GALC: variants seen among roughly 807,000 people sequenced by gnomAD.
GALC encodes galactosylceramidase.
Under a neutral mutation model 91.8 loss-of-function variants are expected in GALC, and 77 were observed. The observed-to-expected ratio is 0.84, with a 90% CI of 0.70 to 1.01. The LOEUF (loss-of-function observed/expected upper bound fraction) is 1.01. Ranked by LOEUF, GALC falls within the 50% of genes least tolerant of loss-of-function variation. The pLI is 0.00. For synonymous variants in GALC, 357 were observed against 306.7 expected, an observed-to-expected ratio of 1.16 and a Z score of -1.71; for missense variants, 882 against 855.9, an observed-to-expected ratio of 1.03 and a Z score of -0.38.
chr14:87,986,425 C>A (rs1032938223), intron 4 of GALC, 64 bp downstream of exon 4: 112 of 1,004,174 alleles, frequency 1.1e-4, no homozygotes, highest in Non-Finnish European at 1.4e-5. Flanking sequence ...TCCACCAACA[C>A]GATTCAGAAT....
rs756587314 is a variant in GALC at position 87,934,834 on chromosome 14, T to G, written c.1956A>C (p.Thr652=). 6.2e-7 allele frequency: 1 copy of G among 1,612,996 alleles called. No homozygotes were observed. The highest frequency in any genetic ancestry group is 1.1e-5 in the South Asian group (1 of 91,072). ...SGMLNDKSLW[T]DIPVNFPKNG... is the part of the protein sequence containing the mutation. The stretch of plus-strand genomic sequence containing the variant: ...TCTTTGGAAAATTCACAGGGATGTC[T>G]GTCCACAGAGACTTGTCATTCAGCA... Residue 652 remains threonine, a synonymous_variant, in exon 17 of 17, where the codon ACA becomes ACC. Coordinates refer to ENST00000261304, the MANE Select transcript of GALC (RefSeq NM_000153.4).
At chr14:87,989,619 C>T (rs76746012) in intron 1 of GALC, 17,206 of 152,364 alleles carry the variant, frequency 0.11, 1,139 homozygotes, top group Non-Finnish European at 0.16. Context: ...AAGATATCCT[C>T]AATAGCTCTC....
In GALC at chr14:87,988,024, A is replaced by G. The variant is rs1595240660; in HGVS notation, c.328+120T>C. The G allele has an allele frequency of 3.9e-6, 3 of 768,854 alleles. No individual in the cohort carries two copies. The South Asian group carries it at 4.6e-5, about 12-fold the overall frequency. 47.6% of individuals were successfully genotyped at this position (768,854 alleles called of 1,614,324 possible). A position where few individuals can be genotyped will look rare whatever the true frequency, so the allele number is the denominator to read the frequency against. On this transcript the variant is annotated intron_variant, in intron 3 of 16. Coordinates refer to ENST00000261304, the MANE Select transcript of GALC (RefSeq NM_000153.4). ...TTAAAAAATGAGGAAAACTCTAATA[A>G]GCAACAATCAATCTCAAAAGTGTTG...
chr14:87,935,641 T>A (rs1442977728), intron 16 of GALC, among the ~76,000 whole-genome samples: 1 of 152,070 alleles, frequency 6.6e-6, no homozygotes, highest in South Asian at 2.1e-4. Context: ...ATTATCTTTA[T>A]GATAGTACAT....
intron 10 of GALC, among the ~76,000 whole-genome samples, chr14:87,956,269 G>T (rs372585076): frequency 6.6e-6 from 1 of 151,966 alleles, no homozygotes; most frequent in Admixed American, 6.6e-5. Flanking sequence ...ACAGTGTGTG[G>T]AGGGGAAGAA....
intron 10 of GALC, chr14:87,952,521 T>A: frequency 1.4e-6 from 1 of 716,080 alleles, no homozygotes; most frequent in Non-Finnish European, 2.5e-6. Flanking sequence ...CCACCCAGCC[T>A]AGTATCCTGT....
chr14:87,985,702 T>G (rs1005000876), intron 4 of GALC, among the ~76,000 whole-genome samples: 2 of 152,256 alleles, frequency 1.3e-5, no homozygotes, highest in African/African-American at 4.8e-5. Context: ...ATCATTAATT[T>G]CATTTAACTT....
At chr14:87,972,365 T>C (rs1886327702) in intron 7 of GALC, among the ~76,000 whole-genome samples, 1 of 152,172 alleles carries the variant, frequency 6.6e-6, no homozygotes, top group African/African-American at 2.4e-5. Flanking sequence ...GTAGTTACCT[T>C]TAAGGCAAAA....
At chr14:87,942,833 C>T (rs921975776) in intron 14 of GALC, among the ~76,000 whole-genome samples, 5 of 151,970 alleles carry the variant, frequency 3.3e-5, no homozygotes, top group Non-Finnish European at 5.9e-5. Context: ...AAGATAAATG[C>T]TAAGTAACTC....
At chr14:87,992,559 C>T (rs1887249796) in intron 1 of GALC, 1 of 1,503,976 alleles carries the variant, frequency 6.6e-7, no homozygotes, top group African/African-American at 1.4e-5. Flanking sequence ...GGGGCGTTCT[C>T]TTTCGCACAC....
At chr14:87,992,019 G>A (rs1328268826) in intron 1 of GALC, among the ~76,000 whole-genome samples, 1 of 152,162 alleles carries the variant, frequency 6.6e-6, no homozygotes, top group South Asian at 2.1e-4. Context: ...ACATCAGCAC[G>A]GCTGGAGAGA....
At chr14:87,945,410 T>G in intron 14 of GALC, 143 bp downstream of exon 14, 1 of 708,956 alleles carries the variant, frequency 1.4e-6, no homozygotes, top group South Asian at 1.6e-5. Context: ...CACCATACTA[T>G]TCAACAACCC....
chr14:87,971,315 G>C (rs1886283896), intron 7 of GALC, among the ~76,000 whole-genome samples: 1 of 152,156 alleles, frequency 6.6e-6, no homozygotes, highest in Non-Finnish European at 1.5e-5. Context: ...CTACCCTAAG[G>C]GGGAGCATAG....
chr14:87,963,580 A>G (rs1233699873), intron 9 of GALC, 69 bp from the exon 10 acceptor site: 2 of 1,399,836 alleles, frequency 1.4e-6, no homozygotes, highest in African/African-American at 1.4e-5. Flanking sequence ...GGGAAAAAAA[A>G]AAAGCTGTAT....
chr14:87,944,976 AACT>A (rs1271772773), intron 14 of GALC, among the ~76,000 whole-genome samples: 1 of 11,922 alleles, frequency 8.4e-5, no homozygotes, highest in Admixed American at 2.1e-3. Flanking sequence ...GAAATTCTGT[AACT>A]AAAGAGGAAG....
intron 5 of GALC, 38 bp downstream of exon 5, chr14:87,984,356 T>C (rs909533151): frequency 6.4e-7 from 1 of 1,571,134 alleles, no homozygotes; most frequent in Non-Finnish European, 8.7e-7. Flanking sequence ...TACAAACAAA[T>C]GTCCAAAACT....
chr14:87,987,876 A>G (rs1887038702), intron 3 of GALC: 1 of 450,702 alleles, frequency 2.2e-6, no homozygotes, highest in African/African-American at 2.0e-5. Flanking sequence ...CTGTATATAT[A>G]GGTTTTAGAA....
intron 1 of GALC, chr14:87,992,187 G>A: frequency 1.9e-6 from 2 of 1,056,242 alleles, no homozygotes; most frequent in Admixed American, 4.1e-5. Context: ...TGAATGTAAG[G>A]ATGCAAGCTC....
At chr14:87,989,311 T>C (rs1055393993) in intron 1 of GALC, among the ~76,000 whole-genome samples, 2 of 152,164 alleles carry the variant, frequency 1.3e-5, no homozygotes, top group Non-Finnish European at 2.9e-5. Context: ...AAAATACTTT[T>C]ATGGGGTTCA....
Sources: gnomAD v4.1 joint callset for allele counts (sites outside exome capture counted in the v4.1 genomes callset) on GRCh38, gnomAD v4.1.1 for gene constraint, MANE v1.5 for transcripts, NCBI Gene and HGNC (gene_info 2026-07-23, HGNC 2026-07-21) for gene names.